The following C1QL4 variants were observed in gnomAD, a reference collection of about 807,000 sequenced individuals.
The protein encoded by C1QL4 is complement C1q like 4, also known as complement C1q-like protein 4.
Under a neutral mutation model 13.4 loss-of-function variants are expected in C1QL4, and 5 were observed. That is an observed-to-expected ratio of 0.37 (90% CI 0.19 to 0.78). The LOEUF (loss-of-function observed/expected upper bound fraction) is 0.78, where lower values mean the gene tolerates loss of function less well. Ranked by LOEUF, C1QL4 falls within the 30% of genes least tolerant of loss-of-function variation. The probability of loss-of-function intolerance (pLI) is 0.47; values close to 1 mark genes in which losing one functional copy is unlikely to be tolerated. For missense variants in C1QL4, 367 were observed against 361.6 expected, an observed-to-expected ratio of 1.01 and a Z score of -0.12; for synonymous variants, 168 against 153.9, an observed-to-expected ratio of 1.09 and a Z score of -0.68.
chr12:49,335,199 G>A (rs1265689006), intron 1 of C1QL4, among the ~76,000 whole-genome samples: 5 of 152,224 alleles, frequency 3.3e-5, no homozygotes, highest in African/African-American at 1.2e-4. Flanking sequence ...AGGGTGTGGG[G>A]CCTACAAGAC....
intron 1 of C1QL4, 138 bp from the exon 2 acceptor site, chr12:49,333,371 C>T (rs1243803126): frequency 2.5e-6 from 2 of 815,544 alleles, no homozygotes; most frequent in South Asian, 1.8e-5. Flanking sequence ...TAGGACATCA[C>T]GGAGTTGCTC....
chr12:49,334,445 G>A (rs1206404921), intron 1 of C1QL4, among the ~76,000 whole-genome samples: 2 of 152,194 alleles, frequency 1.3e-5, no homozygotes, highest in Non-Finnish European at 2.9e-5. Flanking sequence ...AGAACAGGGA[G>A]CACTTCCTCC....
Position 49,336,166 on chromosome 12 carries a change from G to C in C1QL4, c.312C>G (p.Ala104=), listed in dbSNP as rs371773146. 1.2e-6 allele frequency: 2 copies of C among 1,601,130 alleles called. No homozygotes were observed. Among genetic ancestry groups the C allele is most frequent in the South Asian group, 1.1e-5 (1 of 90,290 alleles). Residue 104 remains alanine, a synonymous_variant, in exon 1 of 2, where the codon GCC becomes GCG. Transcript: ENST00000334221. The surrounding 1 kb of genome is among the most constrained non-coding windows in gnomAD (Gnocchi z 7.7). ...GPGPGGVAPA[A]GYVPRIAFYA... Reference sequence around the variant, plus strand: ...AGAAAGCAATGCGAGGCACGTAGCCGGCAGCGGGCGCCACCCCGCCCGGAC... The same window carrying C: ...AGAAAGCAATGCGAGGCACGTAGCCCGCAGCGGGCGCCACCCCGCCCGGAC...
rs1592317520 is a variant in C1QL4 at position 49,337,153 on chromosome 12, A to T, written c.-676T>A. 6.6e-6 allele frequency: 1 copy of T among 151,798 alleles called. No individual in the cohort carries two copies. Among genetic ancestry groups the T allele is most frequent in the East Asian group, 1.9e-4 (1 of 5,138 alleles). The allele number at this position is 151,798 out of a possible 1,614,324, so 9.4% of individuals were successfully genotyped here. A position where few individuals can be genotyped will look rare whatever the true frequency, so the allele number is the denominator to read the frequency against. On this transcript the variant is annotated 5_prime_UTR_variant, in exon 1 of 2. Coordinates refer to ENST00000334221, the MANE Select transcript of C1QL4 (RefSeq NM_001008223.2). ...GGGCGCGGTCCCTCTCCGCCTCCCTAACCTTCCTCCCCTCCCTCCCGGGCG... is the reference window on the plus strand; with the variant it reads ...GGGCGCGGTCCCTCTCCGCCTCCCTTACCTTCCTCCCCTCCCTCCCGGGCG...
In C1QL4 at chr12:49,332,883, A is replaced by G; in HGVS notation, c.*171T>C. 1 of 692,702 alleles carries G rather than the reference A, an allele frequency of 1.4e-6. No homozygotes were observed. Among genetic ancestry groups the G allele is most frequent in the Admixed American group, 3.0e-5 (1 of 33,502 alleles). The allele number at this position is 692,702 out of a possible 1,614,324, so 42.9% of individuals were successfully genotyped here. On this transcript the variant is annotated 3_prime_UTR_variant, in exon 2 of 2. Transcript: ENST00000334221. ...GCCGGGTCTCCTCCTCTTCCCGGCCACTTATACCCTTGAGCACCAAGAGTT... is the reference window on the plus strand; with the variant it reads ...GCCGGGTCTCCTCCTCTTCCCGGCCGCTTATACCCTTGAGCACCAAGAGTT...
Position 49,336,650 on chromosome 12 carries a change from G to T in C1QL4, c.-173C>A. On this transcript the variant is annotated 5_prime_UTR_variant, in exon 1 of 2. Coordinates refer to ENST00000334221, the MANE Select transcript of C1QL4 (RefSeq NM_001008223.2). The surrounding 1 kb of genome is among the most constrained non-coding windows in gnomAD (Gnocchi z 7.7). Reference sequence around the variant, plus strand: ...CTGGGTCTGCACTCCCCCGACGGCTGCCCCCCGCTCCCCTTACCCTGCCTC... The same window carrying T: ...CTGGGTCTGCACTCCCCCGACGGCTTCCCCCCGCTCCCCTTACCCTGCCTC... The T allele has an allele frequency of 1.4e-6, 1 of 711,294 alleles. No individual in the cohort carries two copies. The highest frequency in any genetic ancestry group is 2.1e-6 in the Non-Finnish European group (1 of 479,992). The allele number at this position is 711,294 out of a possible 1,614,324, so 44.1% of individuals were successfully genotyped here. A position where few individuals can be genotyped will look rare whatever the true frequency, so the allele number is the denominator to read the frequency against.
intron 1 of C1QL4, among the ~76,000 whole-genome samples, chr12:49,335,528 A>C (rs992676715): frequency 1.3e-5 from 2 of 152,244 alleles, no homozygotes; most frequent in Admixed American, 1.3e-4. Context: ...GACTCCAGTT[A>C]GCTGGTCCAA....
chr12:49,333,787 C>T (rs1362349141), intron 1 of C1QL4, among the ~76,000 whole-genome samples: 1 of 151,808 alleles, frequency 6.6e-6, no homozygotes, highest in Non-Finnish European at 1.5e-5. Context: ...ATCCACCCAC[C>T]TCAGCCTCTC....
chr12:49,336,154 A>AGCC lies in C1QL4; in HGVS notation c.323_324insGGC (p.Pro108_Arg109insAla). 6.2e-7 allele frequency: 1 copy of AGCC among 1,606,640 alleles called. No individual in the cohort carries two copies. The highest frequency in any genetic ancestry group is 8.5e-7 in the Non-Finnish European group (1 of 1,176,840). ...GCAGGCCCGCGTAGAAAGCAATGCG[A>AGCC]GGCACGTAGCCGGCAGCGGGCGCCA... is the stretch of plus-strand genomic sequence containing the variant. On this transcript the variant is annotated inframe_insertion, in exon 1 of 2. Transcript: ENST00000334221. The surrounding 1 kb of genome is among the most constrained non-coding windows in gnomAD (Gnocchi z 7.7).
Position 49,336,107 on chromosome 12 carries a change from TCG to T in C1QL4, c.369_370del (p.Tyr123Ter). On this transcript the variant is annotated stop_gained and frameshift_variant, in exon 1 of 2. Coordinates refer to ENST00000334221, the MANE Select transcript of C1QL4 (RefSeq NM_001008223.2). LOFTEE classifies it high-confidence loss of function. The surrounding 1 kb of genome is among the most constrained non-coding windows in gnomAD (Gnocchi z 7.7). ...CACCACGTCGTCGAAGCGCAGCACCTCGTAACCCTCGTGGGGCCGCCGCAGGC... is the reference window on the plus strand; with the variant it reads ...CACCACGTCGTCGAAGCGCAGCACCTTAACCCTCGTGGGGCCGCCGCAGGC... 6.2e-7 allele frequency: 1 copy of T among 1,611,794 alleles called. No homozygotes were observed. The highest frequency in any genetic ancestry group is 8.5e-7 in the Non-Finnish European group (1 of 1,179,848).
rs1376168430 is a variant in C1QL4, at chr12:49,332,812, G to A, written c.*242C>T. 3.7e-6 allele frequency: 2 copies of A among 538,256 alleles called. No individual in the cohort carries two copies. The highest frequency in any genetic ancestry group is 6.6e-6 in the Non-Finnish European group (2 of 303,782). 33.3% of individuals were successfully genotyped at this position (538,256 alleles called of 1,614,324 possible). The stretch of plus-strand genomic sequence containing the variant: ...CCTCTGCCCCTATGGGGTCCAGCGC[G>A]CACTTGGGTGCGGGTGATCCCTCCG... On this transcript the variant is annotated 3_prime_UTR_variant, in exon 2 of 2. Transcript: ENST00000334221.
In C1QL4 at chr12:49,332,751, C is replaced by T; in HGVS notation, c.*303G>A. 1 of 323,260 alleles carries T rather than the reference C, an allele frequency of 3.1e-6. No individual in the cohort carries two copies. The highest frequency in any genetic ancestry group is 2.2e-5 in the African/African-American group (1 of 46,412). The allele number at this position is 323,260 out of a possible 1,614,324, so 20.0% of individuals were successfully genotyped here. ...GGGCCTCTGAGTCCCGCTATTAAAA[C>T]TGCTCCCCATCTCTGTACAAAAGAG... On this transcript the variant is annotated 3_prime_UTR_variant, in exon 2 of 2. Coordinates refer to ENST00000334221, the MANE Select transcript of C1QL4 (RefSeq NM_001008223.2).
Position 49,333,163 on chromosome 12 carries a change from T to C in C1QL4, c.608A>G (p.His203Arg). ...YDYASNSVIL[H>R]LDVGDEVFIK... is the part of the protein sequence containing the mutation. Reference sequence around the variant, plus strand: ...GAAGACCTCGTCGCCCACGTCCAGGTGCAGAATGACGCTGTTGCTGGCGTA... The same window carrying C: ...GAAGACCTCGTCGCCCACGTCCAGGCGCAGAATGACGCTGTTGCTGGCGTA... The change falls in exon 2 of 2, where the codon CAC (histidine) becomes CGC (arginine). Residue 203 changes from histidine (H) to arginine (R), a missense_variant. His to Arg is a conservative substitution (Grantham distance 29). Transcript: ENST00000334221. 6.2e-7 allele frequency: 1 copy of C among 1,614,154 alleles called. No homozygotes were observed. Among genetic ancestry groups the C allele is most frequent in the Non-Finnish European group, 8.5e-7 (1 of 1,179,998 alleles).
chr12:49,334,955 A>G (rs544923447), intron 1 of C1QL4, among the ~76,000 whole-genome samples: 3 of 152,006 alleles, frequency 2.0e-5, no homozygotes, highest in Non-Finnish European at 4.4e-5. Flanking sequence ...CACCCCCTTC[A>G]TGCTGGACAT....
chr12:49,333,639 C>G (rs929791002), intron 1 of C1QL4, among the ~76,000 whole-genome samples: 3 of 149,842 alleles, frequency 2.0e-5, no homozygotes, highest in Non-Finnish European at 4.4e-5. Context: ...CGGGTTCAAG[C>G]GATTCTCCTG....
chr12:49,336,138 C>G lies in C1QL4; in HGVS notation c.340G>C (p.Ala114Pro). ...AGYVPRIAFY[A>P]GLRRPHEGYE... is the part of the protein sequence containing the mutation. ...CCCTCGTGGGGCCGCCGCAGGCCCGCGTAGAAAGCAATGCGAGGCACGTAG... is the reference window on the plus strand; with the variant it reads ...CCCTCGTGGGGCCGCCGCAGGCCCGGGTAGAAAGCAATGCGAGGCACGTAG... The change falls in exon 1 of 2, where the codon GCG becomes CCG. Residue 114 changes from alanine (A) to proline (P), a missense_variant. Physicochemically the swap from Ala to Pro is conservative, Grantham distance 27 (BLOSUM62 -1). Transcript: ENST00000334221. The surrounding 1 kb of genome is among the most constrained non-coding windows in gnomAD (Gnocchi z 7.7). 1 of 1,610,390 alleles carries G rather than the reference C, an allele frequency of 6.2e-7. No homozygotes were observed. The highest frequency in any genetic ancestry group is 8.5e-7 in the Non-Finnish European group (1 of 1,179,018).
chr12:49,336,669 C>G lies in C1QL4; in HGVS notation c.-192G>C. On this transcript the variant is annotated 5_prime_UTR_variant, in exon 1 of 2. Transcript: ENST00000334221. This position sits in a 1 kb window ranked among gnomAD's most constrained non-coding sequence, Gnocchi z 7.7. ...ACGGCTGCCCCCCGCTCCCCTTACC[C>G]TGCCTCTGCGGGCTCCAGCCGCGGC... 1.6e-6 allele frequency: 1 copy of G among 621,448 alleles called. No individual in the cohort carries two copies. The highest frequency in any genetic ancestry group is 2.5e-6 in the Non-Finnish European group (1 of 400,536). 38.5% of individuals were successfully genotyped at this position (621,448 alleles called of 1,614,324 possible).
intron 1 of C1QL4, 70 bp from the exon 2 acceptor site, chr12:49,333,303 G>A: frequency 1.3e-6 from 2 of 1,493,814 alleles, no homozygotes; most frequent in South Asian, 2.6e-5. Flanking sequence ...GGGGCGGCTG[G>A]GCGTGCGAAG....
Position 49,336,116 on chromosome 12 carries a change from T to TCGTGGGGCCGC in C1QL4, c.351_361dup (p.Glu121GlyfsTer16). 1 of 1,611,302 alleles carries TCGTGGGGCCGC rather than the reference T, an allele frequency of 6.2e-7. No homozygotes were observed. The highest frequency in any genetic ancestry group is 8.5e-7 in the Non-Finnish European group (1 of 1,179,728). ...GTCGAAGCGCAGCACCTCGTAACCC[T>TCGTGGGGCCGC]CGTGGGGCCGCCGCAGGCCCGCGTA... On this transcript the variant is annotated frameshift_variant, in exon 1 of 2. Transcript: ENST00000334221. LOFTEE classifies it high-confidence loss of function. The surrounding 1 kb of genome is among the most constrained non-coding windows in gnomAD (Gnocchi z 7.7).
Sources: allele counts gnomAD v4.1 joint callset (sites outside exome capture counted in the v4.1 genomes callset), GRCh38; gene constraint gnomAD v4.1.1; non-coding constraint Gnocchi (gnomAD v3.1); transcripts MANE v1.5; gene names NCBI Gene and HGNC (gene_info 2026-07-23, HGNC 2026-07-21).